Variants in COL4A1 observed in about 807,000 individuals in gnomAD.
COL4A1 encodes collagen type IV alpha 1 chain.
A neutral mutation model predicts 216.6 loss-of-function variants in COL4A1; 40 were observed. The observed-to-expected ratio is 0.18, with a 90% CI of 0.14 to 0.24. The LOEUF (loss-of-function observed/expected upper bound fraction) is 0.24. COL4A1 is among the 10% of genes least tolerant of loss of function. COL4A1 has a pLI of 1.00. For missense variants in COL4A1, 1,628 were observed against 2,196.8 expected (o/e 0.74, Z 5.18); for synonymous variants, 839 against 810.7 (o/e 1.03, Z -0.59).
intron 1 of COL4A1, among the ~76,000 whole-genome samples, chr13:110,281,153 G>A (rs1396210095): frequency 2.0e-5 from 3 of 152,222 alleles, no homozygotes; most frequent in African/African-American, 7.2e-5. Context: ...GCCACAAAAC[G>A]TGGCCGGCAC....
chr13:110,293,536 A>G (rs1884164547), intron 1 of COL4A1, among the ~76,000 whole-genome samples: 1 of 152,222 alleles, frequency 6.6e-6, no homozygotes, highest in Non-Finnish European at 1.5e-5. Context: ...CTGACTTGAG[A>G]TGGCAATTGA....
chr13:110,219,810 GTA>G (rs1480458045), intron 2 of COL4A1, among the ~76,000 whole-genome samples: 8 of 115,848 alleles, frequency 6.9e-5, no homozygotes, highest in African/African-American at 1.2e-4. Flanking sequence ...GTATATATGT[GTA>G]TATATGTATA....
intron 1 of COL4A1, among the ~76,000 whole-genome samples, chr13:110,260,593 G>A (rs1029679850): frequency 2.6e-5 from 4 of 152,188 alleles, no homozygotes; most frequent in African/African-American, 9.7e-5. Context: ...AGATGAAGAC[G>A]GAATGCATGC....
intron 1 of COL4A1, among the ~76,000 whole-genome samples, chr13:110,253,396 A>G (rs1594092661): frequency 4.6e-4 from 1 of 2,184 alleles, no homozygotes; most frequent in African/African-American, 5.5e-4. Context: ...TTACATATAC[A>G]TATAATTATA....
Position 110,242,709 on chromosome 13 carries a change from C to T in COL4A1, c.110G>A (p.Gly37Asp). ...AKGGCAGSGC[G>D]KCDCHGVKGQ... ...CTTCACTCCATGGCAGTCACATTTG[C>T]CACAGCCAGAGCCAGCACAGCCACC... The change falls in exon 2 of 52, where the codon GGC becomes GAC. Residue 37 changes from glycine to aspartate, a missense_variant. Coordinates refer to ENST00000375820, the MANE Select transcript of COL4A1 (RefSeq NM_001845.6). 1 of 1,614,210 alleles carries T rather than the reference C, an allele frequency of 6.2e-7. No individual in the cohort carries two copies. Among genetic ancestry groups the T allele is most frequent in the Non-Finnish European group, 8.5e-7 (1 of 1,180,030 alleles).
At chr13:110,252,671 A>AAT (rs1882186895) in intron 1 of COL4A1, among the ~76,000 whole-genome samples, 1 of 143,436 alleles carries the variant, frequency 7.0e-6, no homozygotes, top group Admixed American at 7.1e-5. Context: ...GTATATATAC[A>AAT]TATAATATGT....
At chr13:110,306,749 A>G (rs1181597976) in intron 1 of COL4A1, among the ~76,000 whole-genome samples, 195 bp downstream of exon 1, 2 of 152,186 alleles carry the variant, frequency 1.3e-5, no homozygotes, top group Admixed American at 1.3e-4. Flanking sequence ...ACCATAACAA[A>G]GGAGGCTCGG....
intron 2 of COL4A1, among the ~76,000 whole-genome samples, chr13:110,226,898 G>A (rs16975654): frequency 0.1 from 15,230 of 152,106 alleles, 968 homozygotes; most frequent in Middle Eastern, 0.17. Flanking sequence ...GCAAAATACC[G>A]GTGCTTAATT....
intron 1 of COL4A1, among the ~76,000 whole-genome samples, chr13:110,256,421 G>C (rs1882572834): frequency 6.6e-6 from 1 of 152,214 alleles, no homozygotes; most frequent in Non-Finnish European, 1.5e-5. Flanking sequence ...TTGCTGAGTG[G>C]TGCTGCCCTG....
chr13:110,208,386 G>A (rs1168487205), intron 12 of COL4A1, among the ~76,000 whole-genome samples: 1 of 151,912 alleles, frequency 6.6e-6, no homozygotes, highest in Non-Finnish European at 1.5e-5. Context: ...AATTCTCCTG[G>A]TGGTGGCCCT....
rs1384579927 is a variant in COL4A1, at chr13:110,210,060, G to T, written c.553-18C>A. On this transcript the variant is annotated intron_variant, in intron 9 of 51. Transcript: ENST00000375820. ...GGTGGGCCCTAGAATGCATGAGAAA[G>T]AAATGAGTTCAGATGCGAACTGGGA... 1 of 1,614,088 alleles carries T rather than the reference G, an allele frequency of 6.2e-7. No individual in the cohort carries two copies. Among genetic ancestry groups the T allele is most frequent in the East Asian group, 2.2e-5 (1 of 44,866 alleles).
chr13:110,181,021 T>G (rs1878128288), intron 29 of COL4A1, among the ~76,000 whole-genome samples: 1 of 152,250 alleles, frequency 6.6e-6, no homozygotes. Flanking sequence ...TATTTTACCC[T>G]GAGTTTCAGC....
rs541812708 is a variant in COL4A1, at chr13:110,236,366, C to T, written c.144+6309G>A. On this transcript the variant is annotated intron_variant, in intron 2 of 51. Coordinates refer to ENST00000375820, the MANE Select transcript of COL4A1 (RefSeq NM_001845.6). ...TATTTTTCTTCTTATTTTGTATGTC[C>T]TTGAGAGAAATATACTAAGAGTGCT... Among the ~76,000 whole-genome samples, 5 of 152,260 alleles carry T rather than the reference C, an allele frequency of 3.3e-5. No individual in the cohort carries two copies. The South Asian group carries it at 1.0e-3, about 32-fold the overall frequency.
At chr13:110,192,449 G>A (rs1878677436) in intron 23 of COL4A1, among the ~76,000 whole-genome samples, 165 bp from the exon 24 acceptor site, 1 of 152,158 alleles carries the variant, frequency 6.6e-6, no homozygotes, top group Admixed American at 6.5e-5. Context: ...GACTCAGAAA[G>A]GGAATAGGTG....
At chr13:110,228,117 G>A (rs1304155858) in intron 2 of COL4A1, among the ~76,000 whole-genome samples, 3 of 152,136 alleles carry the variant, frequency 2.0e-5, no homozygotes, top group South Asian at 4.1e-4. Flanking sequence ...GCAGCTGGGC[G>A]GGACCATCGC....
chr13:110,200,886 A>C lies in COL4A1; in HGVS notation c.1088T>G (p.Phe363Cys). 2.5e-6 allele frequency: 4 copies of C among 1,614,144 alleles called. No individual in the cohort carries two copies. Among genetic ancestry groups the C allele is most frequent in the Non-Finnish European group, 3.4e-6 (4 of 1,180,000 alleles). Residue 363 changes from phenylalanine (F) to cysteine (C), a missense_variant, in exon 20 of 52, where the codon TTC (phenylalanine) becomes TGC (cysteine). Phe to Cys is a radical substitution (Grantham distance 205, BLOSUM62 -2). Around this residue, in one of 8 missense-constraint regions of COL4A1, gnomAD observed 701 missense variants for 892.5 expected, o/e 0.79. Transcript: ENST00000375820. ...GPRGEPGPKG[F>C]PGLPGQPGPP... The stretch of plus-strand genomic sequence containing the variant: ...TCCGGGTTGGCCTGGTAGTCCTGGG[A>C]AACCTGAAAAGAGAAAGAGAGTGTT...
chr13:110,253,177 G>GTATGTATGTATTATATA lies in COL4A1; in HGVS notation c.85-10444_85-10443insTATATAATACATACATA, dbSNP rs1329095014. Among the ~76,000 whole-genome samples, 221 of 138,884 alleles carry GTATGTATGTATTATATA rather than the reference G, an allele frequency of 1.6e-3. 9 individuals are homozygous for GTATGTATGTATTATATA. The highest frequency in any genetic ancestry group is 4.3e-3 in the African/African-American group (161 of 37,584). The allele number at this position is 138,884 out of a possible 152,430, so 91.1% of individuals were successfully genotyped here. ...GTATTATATATACATATAACTATAT[G>GTATGTATGTATTATATA]TACGTATGTATTATATATACATATA... On this transcript the variant is annotated intron_variant, in intron 1 of 51. Coordinates refer to ENST00000375820, the MANE Select transcript of COL4A1 (RefSeq NM_001845.6).
chr13:110,265,846 T>G (rs1883007189), intron 1 of COL4A1: 1 of 152,180 alleles, frequency 6.6e-6, no homozygotes, highest in Non-Finnish European at 1.5e-5. Context: ...GGGCCATTCT[T>G]TATCCCCAGC....
rs559283748 is a variant in COL4A1 at position 110,252,033 on chromosome 13, C to CT, written c.85-9300dup. ...TTAATTCCTAATCATAAATAAATTACTTTTTTTTGAGGTAGAGTCTCGCTC... is the reference window on the plus strand; with the variant it reads ...TTAATTCCTAATCATAAATAAATTACTTTTTTTTTGAGGTAGAGTCTCGCTC... On this transcript the variant is annotated intron_variant, in intron 1 of 51. Coordinates refer to ENST00000375820, the MANE Select transcript of COL4A1 (RefSeq NM_001845.6). 2.7e-3 allele frequency among the ~76,000 whole-genome samples: 408 copies of CT among 151,920 alleles called. 3 individuals carry two copies. The highest frequency in any genetic ancestry group is 9.3e-3 in the African/African-American group (385 of 41,432).
Sources: allele counts gnomAD v4.1 joint callset (sites outside exome capture counted in the v4.1 genomes callset), GRCh38; gene constraint gnomAD v4.1.1; regional missense constraint gnomAD v4.1.1; transcripts MANE v1.5; gene names NCBI Gene and HGNC (gene_info 2026-07-23, HGNC 2026-07-21).